Variants in WDR27 observed in about 807,000 individuals in gnomAD.
The protein encoded by WDR27 is WD repeat-containing protein 27.
In WDR27, 100 loss-of-function variants were observed where a neutral mutation model predicts 114.4. The ratio of observed to expected loss-of-function variants is 0.87; its 90% CI spans 0.74 to 1.03. WDR27 has a LOEUF of 1.03. WDR27 is among the 50% of genes least tolerant of loss of function. WDR27 has a pLI of 0.00. For synonymous variants in WDR27, 449 were observed against 423.1 expected, an observed-to-expected ratio of 1.06 and a Z score of -0.75; for missense variants, 1,129 against 1,092.9, an observed-to-expected ratio of 1.03 and a Z score of -0.47.
chr6:169,457,990 G>GAGGAGGAGGAGGAGA (rs1166746993), intron 25 of WDR27, among the ~76,000 whole-genome samples: 1 of 151,104 alleles, frequency 6.6e-6, no homozygotes, highest in African/African-American at 2.4e-5. Flanking sequence ...GGAGGAGGAG[G>GAGGAGGAGGAGGAGA]AGGAGGAGGA....
At chr6:169,569,137 C>T (rs10945436) in intron 25 of WDR27, among the ~76,000 whole-genome samples, 69,448 of 152,082 alleles carry the variant, frequency 0.46, 19,816 homozygotes, top group Non-Finnish European at 0.65. Context: ...ACCGTGGGAC[C>T]GTGATGCTAC....
At chr6:169,537,803 A>G (rs1166394441) in intron 25 of WDR27, among the ~76,000 whole-genome samples, 1 of 152,186 alleles carries the variant, frequency 6.6e-6, no homozygotes, top group Non-Finnish European at 1.5e-5. Context: ...CCCAGCTGTT[A>G]AGAGACGGTG....
chr6:169,503,313 C>T (rs1358318443), intron 25 of WDR27, among the ~76,000 whole-genome samples: 1 of 152,156 alleles, frequency 6.6e-6, no homozygotes, highest in Non-Finnish European at 1.5e-5. Context: ...GATGGAACTT[C>T]ATACAACATA....
At chr6:169,686,090 C>A (rs1034753415) in intron 2 of WDR27, among the ~76,000 whole-genome samples, 1 of 152,090 alleles carries the variant, frequency 6.6e-6, no homozygotes, top group Non-Finnish European at 1.5e-5. Context: ...GAATATTATA[C>A]CCAGCAAAGC....
At chr6:169,664,603 C>T in intron 7 of WDR27, 5 of 1,185,776 alleles carry the variant, frequency 4.2e-6, no homozygotes, top group Non-Finnish European at 5.2e-6. Context: ...CACCCCACAG[C>T]TTCACAGCCA....
At chr6:169,639,232 C>T (rs780743113) in intron 17 of WDR27, among the ~76,000 whole-genome samples, 9 of 151,100 alleles carry the variant, frequency 6.0e-5, no homozygotes, top group African/African-American at 9.8e-5. Context: ...CCGGGTACTG[C>T]GTGGTGCTGG....
At position 169,596,858 on chromosome 6, in the gene WDR27, TTCTAG is replaced by T. The variant is rs1233695167; in HGVS notation, c.2424+5356_2424+5360del. ...GTGTCATGATCATCAATAATCTGTT[TTCTAG>T]TCATTTCTAGTCATTAAGAGAAGTT... is the stretch of plus-strand genomic sequence containing the variant. On this transcript the variant is annotated intron_variant, in intron 23 of 25. Coordinates refer to ENST00000448612, the MANE Select transcript of WDR27 (RefSeq NM_182552.5). 2.6e-5 allele frequency among the ~76,000 whole-genome samples: 4 copies of T among 152,258 alleles called. No individual in the cohort carries two copies. The East Asian group carries it at 7.7e-4, about 29-fold the overall frequency.
At chr6:169,571,009 G>C (rs923416116) in intron 25 of WDR27, among the ~76,000 whole-genome samples, 3 of 152,206 alleles carry the variant, frequency 2.0e-5, no homozygotes, top group Non-Finnish European at 2.9e-5. Context: ...CCACAGAGCA[G>C]ACTGTTTCAA....
intron 2 of WDR27, among the ~76,000 whole-genome samples, chr6:169,676,579 A>G (rs888821854): frequency 6.6e-6 from 1 of 152,124 alleles, no homozygotes; most frequent in East Asian, 1.9e-4. Flanking sequence ...GCACTTTTTA[A>G]GTCTAATAAA....
chr6:169,603,349 G>T (rs1808433412), intron 22 of WDR27, among the ~76,000 whole-genome samples: 2 of 151,676 alleles, frequency 1.3e-5, no homozygotes, highest in African/African-American at 4.8e-5. Flanking sequence ...CACAATATTT[G>T]TCATAAATTT....
At chr6:169,573,406 G>GA (rs779032961) in intron 24 of WDR27, among the ~76,000 whole-genome samples, 3 of 152,156 alleles carry the variant, frequency 2.0e-5, no homozygotes, top group Non-Finnish European at 4.4e-5. Context: ...ACAAGGGTTT[G>GA]AACTGTGCAA....
intron 1 of WDR27, among the ~76,000 whole-genome samples, chr6:169,699,035 C>T (rs1056256510): frequency 2.6e-5 from 4 of 152,186 alleles, no homozygotes; most frequent in African/African-American, 7.2e-5. Context: ...TCAAGACTCA[C>T]GTTAGGCAGT....
chr6:169,676,708 T>TTA (rs1780161736), intron 2 of WDR27, among the ~76,000 whole-genome samples: 1 of 152,220 alleles, frequency 6.6e-6, no homozygotes, highest in Admixed American at 6.5e-5. Context: ...AGTCTAGGTC[T>TTA]TTAGACAATA....
At chr6:169,620,046 C>A (rs1171701213) in intron 21 of WDR27, among the ~76,000 whole-genome samples, 5 of 152,144 alleles carry the variant, frequency 3.3e-5, no homozygotes, top group Non-Finnish European at 7.3e-5. Flanking sequence ...AGTCATGATA[C>A]ATAAGGTTAA....
chr6:169,587,385 G>A (rs1411077636), intron 23 of WDR27, among the ~76,000 whole-genome samples: 2 of 151,848 alleles, frequency 1.3e-5, no homozygotes, highest in African/African-American at 4.8e-5. Flanking sequence ...CACGCGGCTA[G>A]TTTTTGTATT....
At chr6:169,477,311 G>T (rs1006894661) in intron 25 of WDR27, among the ~76,000 whole-genome samples, 5 of 152,178 alleles carry the variant, frequency 3.3e-5, no homozygotes, top group Non-Finnish European at 7.4e-5. Flanking sequence ...CATTATATTA[G>T]CTGGTGTTCA....
chr6:169,487,317 T>A (rs1228277618), intron 25 of WDR27, among the ~76,000 whole-genome samples: 1 of 152,194 alleles, frequency 6.6e-6, no homozygotes, highest in Non-Finnish European at 1.5e-5. Flanking sequence ...TCCACTTTGA[T>A]CTGAATGTAG....
chr6:169,446,129 C>T, the WDR27 span, among the ~76,000 whole-genome samples: 2 of 152,262 alleles, frequency 1.3e-5, no homozygotes, highest in Admixed American at 6.5e-5. Context: ...GGCGAGCACT[C>T]GGCTCCCTTC....
the WDR27 span, among the ~76,000 whole-genome samples, chr6:169,436,930 A>G: frequency 6.6e-6 from 1 of 152,240 alleles, no homozygotes; most frequent in East Asian, 1.9e-4. Context: ...ATACATTATA[A>G]TTCAAAATTT....
Sources: allele counts gnomAD v4.1 joint callset (sites outside exome capture counted in the v4.1 genomes callset), GRCh38; gene constraint gnomAD v4.1.1; transcripts MANE v1.5; gene names NCBI Gene and HGNC (gene_info 2026-07-23, HGNC 2026-07-21).